CEP72: variants seen among roughly 807,000 people sequenced by gnomAD.
CEP72 encodes centrosomal protein of 72 kDa.
Under a neutral mutation model 65.7 loss-of-function variants are expected in CEP72, and 78 were observed. The observed-to-expected ratio is 1.19, with a 90% confidence interval of 0.99 to 1.43. The LOEUF is 1.43. Ranked by LOEUF, CEP72 falls within the 40% of genes most tolerant of loss-of-function variation. The pLI is 0.00. For missense variants in CEP72, 914 were observed against 832.9 expected (o/e 1.10, Z -1.20); for synonymous variants, 358 against 351.7 (o/e 1.02, Z -0.20).
In CEP72 at chr5:625,458, C is replaced by G. The variant is rs531649304; in HGVS notation, c.512+879C>G. On this transcript the variant is annotated intron_variant, in intron 4 of 11. Transcript: ENST00000264935. ...TGACCTCTGTCCCATCTTCTTAGCTCTGCCTTTGCAGGGCGGAGGCAGCCA... is the reference window on the plus strand; with the variant it reads ...TGACCTCTGTCCCATCTTCTTAGCTGTGCCTTTGCAGGGCGGAGGCAGCCA... 9.8e-5 allele frequency among the ~76,000 whole-genome samples: 15 copies of G among 152,358 alleles called. No individual in the cohort carries two copies. The South Asian group carries it at 2.9e-3, about 29-fold the overall frequency.
chr5:620,417 C>T (rs1579931907), intron 3 of CEP72, among the ~76,000 whole-genome samples, 156 bp downstream of exon 3: 1 of 152,306 alleles, frequency 6.6e-6, no homozygotes, highest in East Asian at 1.9e-4. Flanking sequence ...TTCCTGCAGA[C>T]ACACAGCTCG....
At chr5:658,303 G>A (rs1012358288), downstream of CEP72, among the ~76,000 whole-genome samples, 1 of 152,210 alleles carries the variant, frequency 6.6e-6, no homozygotes, top group African/African-American at 2.4e-5. Flanking sequence ...ACCACAGGGA[G>A]CTCCCTAGCA....
intron 1 of CEP72, among the ~76,000 whole-genome samples, chr5:614,944 C>G (rs1475236191): frequency 6.6e-6 from 1 of 151,796 alleles, no homozygotes; most frequent in Non-Finnish European, 1.5e-5. Context: ...TCTTCTGTAT[C>G]CTTGCTGATT....
Position 623,865 on chromosome 5 carries a change from G to C in CEP72, c.404-606G>C, listed in dbSNP as rs770114898. ...AGTGATTCTGTAGTTTTTGGGGCGT[G>C]CTGTAGGCTAAATGGAGGCAGCGTG... is the stretch of plus-strand genomic sequence containing the variant. On this transcript the variant is annotated intron_variant, in intron 3 of 11. Coordinates refer to ENST00000264935, the MANE Select transcript of CEP72 (RefSeq NM_018140.4). This position sits in a 1 kb window ranked among gnomAD's most constrained non-coding sequence, Gnocchi z 5.3. 7.2e-5 allele frequency among the ~76,000 whole-genome samples: 11 copies of C among 152,204 alleles called. No homozygotes were observed. Among genetic ancestry groups the C allele is most frequent in the Non-Finnish European group, 1.3e-4 (9 of 68,038 alleles).
chr5:671,383 C>T (rs1364428418), downstream of CEP72, among the ~76,000 whole-genome samples: 1 of 152,222 alleles, frequency 6.6e-6, no homozygotes, highest in African/African-American at 2.4e-5. Flanking sequence ...CTAGGGGGCC[C>T]CAGGGGCTCG....
At chr5:651,558 G>A (rs1166730848) in intron 11 of CEP72, among the ~76,000 whole-genome samples, 1 of 152,030 alleles carries the variant, frequency 6.6e-6, no homozygotes, top group Non-Finnish European at 1.5e-5. Flanking sequence ...GAAACACGGA[G>A]ATTTCACCTT....
chr5:649,836 T>TG (rs1270485954), intron 11 of CEP72, among the ~76,000 whole-genome samples: 9 of 73,542 alleles, frequency 1.2e-4, no homozygotes, highest in Non-Finnish European at 1.5e-4. Context: ...CTGTGAGGCG[T>TG]GACTGTGAGG....
chr5:658,194 C>T (rs527314476), downstream of CEP72, among the ~76,000 whole-genome samples: 2 of 152,366 alleles, frequency 1.3e-5, no homozygotes, highest in South Asian at 4.1e-4. Flanking sequence ...TCTCCAGCCA[C>T]CATGCTGTCA....
chr5:644,355 G>A lies in CEP72; in HGVS notation c.1596G>A (p.Ser532=), dbSNP rs778294985. Residue 532 remains serine (S), a synonymous_variant, in exon 10 of 12, where the codon TCG becomes TCA. Coordinates refer to ENST00000264935, the MANE Select transcript of CEP72 (RefSeq NM_018140.4). ...KSLEENSRLK[S]LLLSMKKEVK... ...TGGAAGAGAACAGTAGGTTAAAATCGCTTTTGTTGAGTATGAAAAAGGAAG... is the reference window on the plus strand; with the variant it reads ...TGGAAGAGAACAGTAGGTTAAAATCACTTTTGTTGAGTATGAAAAAGGAAG... 15 of 1,613,862 alleles carry A rather than the reference G, an allele frequency of 9.3e-6. No individual in the cohort carries two copies. The highest frequency in any genetic ancestry group is 7.7e-5 in the South Asian group (7 of 91,078).
At chr5:619,636 C>T (rs962651885) in intron 2 of CEP72, among the ~76,000 whole-genome samples, 2 of 152,224 alleles carry the variant, frequency 1.3e-5, no homozygotes, top group African/African-American at 2.4e-5. Context: ...GACACCAGCT[C>T]GGGAGTCTGC....
In CEP72 at chr5:637,480, T is replaced by C. The variant is rs759210883; in HGVS notation, c.905-37T>C. ...GTGCTGAACACTGCACCCAGAGAAT[T>C]TGGCCTGACGTGCGCCCCATCCTCT... On this transcript the variant is annotated intron_variant, in intron 6 of 11. Coordinates refer to ENST00000264935, the MANE Select transcript of CEP72 (RefSeq NM_018140.4). 1.9e-6 allele frequency: 3 copies of C among 1,574,472 alleles called. No individual in the cohort carries two copies. The South Asian group carries it at 3.5e-5, about 18-fold the overall frequency.
chr5:661,612 C>T (rs1739611800), downstream of CEP72: 1 of 152,438 alleles, frequency 6.6e-6, no homozygotes, highest in African/African-American at 2.4e-5. Context: ...CCTGAATTCA[C>T]AATATTCAGA....
rs192338474 is a variant in CEP72 at position 665,005 on chromosome 5, A to C, written n.288-175A>C. 2.2e-4 allele frequency: 321 copies of C among 1,428,056 alleles called. 2 individuals are homozygous for C. Among genetic ancestry groups the C allele is most frequent in the Middle Eastern group, 5.1e-4 (2 of 3,886 alleles). 88.5% of individuals were successfully genotyped at this position (1,428,056 alleles called of 1,614,324 possible). On this transcript the variant is annotated intron_variant and non_coding_transcript_variant, in intron 2 of 4. Transcript: ENST00000514507. ...CAGCCCCCTCTGGGGCACCCGTCTG[A>C]GTTCTGCCCCAGTTAGTACAGGAAT...
chr5:646,955 C>T (rs907532830), intron 10 of CEP72, among the ~76,000 whole-genome samples: 1 of 152,206 alleles, frequency 6.6e-6, no homozygotes, highest in Non-Finnish European at 1.5e-5. Flanking sequence ...CTGGTTTTGC[C>T]GTCTGAGGAC....
intron 4 of CEP72, chr5:666,144 T>A (rs1452431201): frequency 6.2e-7 from 1 of 1,605,030 alleles, no homozygotes; most frequent in South Asian, 1.1e-5. Flanking sequence ...ACAGGCGACT[T>A]AGGGCTGGGC....
chr5:633,917 G>T lies in CEP72; in HGVS notation c.661G>T (p.Gly221Trp). The T allele has an allele frequency of 6.2e-7, 1 of 1,612,856 alleles. No homozygotes were observed. Among genetic ancestry groups the T allele is most frequent in the Non-Finnish European group, 8.5e-7 (1 of 1,180,026 alleles). Reference protein sequence around the residue: ...PPGSTSFSQKGREADSRGSQE... With the variant: ...PPGSTSFSQKWREADSRGSQE... ...CGGGAGCACGAGCTTCAGCCAGAAG[G>T]GGCGTGAGGCCGACTCTCGTGGTTC... is the stretch of plus-strand genomic sequence containing the variant. The change falls in exon 5 of 12, where the codon GGG (glycine) becomes TGG (tryptophan). Residue 221 changes from glycine (G) to tryptophan (W), a missense_variant. Gly to Trp is a radical substitution (Grantham distance 184, BLOSUM62 -2). Transcript: ENST00000264935.
chr5:666,228 C>G (rs1739907331), intron 4 of CEP72: 1 of 1,359,790 alleles, frequency 7.4e-7, no homozygotes, highest in East Asian at 2.3e-5. Context: ...CAGCAGCCCA[C>G]AGGCTTCACC....
At chr5:653,977 CTGTG>C (rs70955272), downstream of CEP72, among the ~76,000 whole-genome samples, 34,198 of 150,166 alleles carry the variant, frequency 0.23, 4,058 homozygotes, top group East Asian at 0.42. Flanking sequence ...TGTGCCCTTG[CTGTG>C]TGTGTGTGTG....
intron 4 of CEP72, among the ~76,000 whole-genome samples, chr5:626,093 G>A (rs1447923834): frequency 1.3e-5 from 2 of 152,222 alleles, no homozygotes; most frequent in Non-Finnish European, 2.9e-5. Context: ...CTGGAATCCT[G>A]CACCCTGGCT....
Sources: allele counts gnomAD v4.1 joint callset (sites outside exome capture counted in the v4.1 genomes callset), GRCh38; gene constraint gnomAD v4.1.1; non-coding constraint Gnocchi (gnomAD v3.1); transcripts MANE v1.5; gene names NCBI Gene and HGNC (gene_info 2026-07-23, HGNC 2026-07-21).